The following FMN1 variants were observed in gnomAD, a reference collection of about 807,000 sequenced individuals.
FMN1 encodes formin-1.
A neutral mutation model predicts 132.4 loss-of-function variants in FMN1; 110 were observed. That is an observed-to-expected ratio of 0.83 (90% CI 0.71 to 0.97). The LOEUF is 0.97. Among genes scored for constraint, FMN1 ranks in the 50% least tolerant of loss-of-function variants. The pLI is 0.00. For missense variants in FMN1, 1,792 were observed against 1,705.3 expected, an observed-to-expected ratio of 1.05 and a Z score of -0.90; for synonymous variants, 722 against 651.7, an observed-to-expected ratio of 1.11 and a Z score of -1.64.
intron 7 of FMN1, among the ~76,000 whole-genome samples, chr15:32,976,643 C>T (rs1444022615): frequency 1.3e-5 from 2 of 152,128 alleles, no homozygotes; most frequent in East Asian, 3.9e-4. Flanking sequence ...GTCAAGGACA[C>T]TTAGAAACAT....
At chr15:33,105,571 G>A (rs762234033) in intron 4 of FMN1, among the ~76,000 whole-genome samples, 1 of 152,126 alleles carries the variant, frequency 6.6e-6, no homozygotes, top group Non-Finnish European at 1.5e-5. Context: ...AATGACTGGG[G>A]AAAGGTTTAC....
chr15:33,056,741 A>G (rs2037234735), intron 6 of FMN1, among the ~76,000 whole-genome samples: 1 of 152,244 alleles, frequency 6.6e-6, no homozygotes, highest in Non-Finnish European at 1.5e-5. Flanking sequence ...ATGTTGCAAT[A>G]TATTCATACA....
chr15:32,991,037 C>G (rs767609124), intron 7 of FMN1, among the ~76,000 whole-genome samples: 1 of 152,110 alleles, frequency 6.6e-6, no homozygotes, highest in Non-Finnish European at 1.5e-5. Flanking sequence ...GAGAAAAGAG[C>G]AGAAGCAGCA....
chr15:33,049,357 T>A (rs185977851), intron 6 of FMN1, among the ~76,000 whole-genome samples: 1 of 152,154 alleles, frequency 6.6e-6, no homozygotes, highest in Non-Finnish European at 1.5e-5. Context: ...AGGAAACACA[T>A]AGCTCCTAGA....
intron 4 of FMN1, among the ~76,000 whole-genome samples, chr15:33,113,393 T>A (rs981274268): frequency 2.6e-4 from 38 of 145,514 alleles, no homozygotes; most frequent in African/African-American, 9.3e-4. Flanking sequence ...AATAGTTCAG[T>A]GATTTCATTC....
chr15:32,931,319 T>G (rs1018135378), intron 9 of FMN1, among the ~76,000 whole-genome samples: 1 of 152,258 alleles, frequency 6.6e-6, no homozygotes, highest in African/African-American at 2.4e-5. Context: ...TTTCAATCCA[T>G]AAACATGAGA....
rs112364483 is a variant in FMN1 at position 32,991,259 on chromosome 15, A to G, written c.2223+16755T>C. ...TGGGTCCCTGATTTCGCTGTCTTCT[A>G]CATTCTCAGGAATACTTTCTCATCA... On this transcript the variant is annotated intron_variant, in intron 7 of 20. Transcript: ENST00000616417. 6.6e-5 allele frequency among the ~76,000 whole-genome samples: 10 copies of G among 152,258 alleles called. 3 individuals are homozygous for G. Among genetic ancestry groups the G allele is most frequent in the African/African-American group, 2.4e-4 (10 of 41,538 alleles).
chr15:33,123,021 C>G lies in FMN1; in HGVS notation c.1867+30027G>C, dbSNP rs138663588. 2.0e-4 allele frequency among the ~76,000 whole-genome samples: 31 copies of G among 151,680 alleles called. No homozygotes were observed. In the South Asian group the frequency reaches 4.2e-3, roughly 20 times the overall value. On this transcript the variant is annotated intron_variant, in intron 4 of 20. Transcript: ENST00000616417. ...GACAGGCCGAGAGAGGTTAAGTAAT[C>G]TGACCATGTTCACACAACTAAATAG...
chr15:33,015,258 G>A (rs2034973994), intron 6 of FMN1, among the ~76,000 whole-genome samples: 2 of 152,280 alleles, frequency 1.3e-5, no homozygotes, highest in Non-Finnish European at 2.9e-5. Context: ...CCTATTACCA[G>A]AATCACTCGT....
intron 5 of FMN1, among the ~76,000 whole-genome samples, chr15:33,086,878 C>G (rs1183868221): frequency 6.6e-6 from 1 of 152,220 alleles, no homozygotes; most frequent in Non-Finnish European, 1.5e-5. Context: ...AAATGACATA[C>G]AGTGACCATG....
chr15:33,188,825 TG>T (rs1448090275), intron 2 of FMN1, among the ~76,000 whole-genome samples: 2 of 152,210 alleles, frequency 1.3e-5, no homozygotes, highest in Non-Finnish European at 2.9e-5. Context: ...TCAGGTGACC[TG>T]GATCTATTCT....
chr15:32,794,703 G>A (rs2057219773), intron 19 of FMN1, among the ~76,000 whole-genome samples: 1 of 152,198 alleles, frequency 6.6e-6, no homozygotes, highest in Non-Finnish European at 1.5e-5. Context: ...AGAAACATGT[G>A]TACCAAAAAT....
At chr15:32,800,112 T>G (rs1232531247) in intron 18 of FMN1, among the ~76,000 whole-genome samples, 1 of 152,216 alleles carries the variant, frequency 6.6e-6, no homozygotes, top group East Asian at 1.9e-4. Context: ...AATATGTATC[T>G]CATAAGATTT....
chr15:33,025,116 G>T (rs1408470594), intron 6 of FMN1, among the ~76,000 whole-genome samples: 1 of 152,038 alleles, frequency 6.6e-6, no homozygotes, highest in African/African-American at 2.4e-5. Context: ...GCATATAGAA[G>T]GCTTCAAATA....
chr15:33,128,821 C>G (rs60132240), intron 4 of FMN1, among the ~76,000 whole-genome samples: 14 of 152,278 alleles, frequency 9.2e-5, no homozygotes, highest in African/African-American at 3.4e-4. Context: ...AGCAAAATAA[C>G]AAAGCCTCCG....
intron 15 of FMN1, among the ~76,000 whole-genome samples, chr15:32,894,716 C>CT (rs2060112819): frequency 6.6e-6 from 1 of 150,726 alleles, no homozygotes; most frequent in Admixed American, 6.6e-5. Flanking sequence ...TTCACTACAT[C>CT]TTTTTTCCTG....
chr15:32,978,169 A>C (rs2928021), intron 7 of FMN1, among the ~76,000 whole-genome samples: 1 of 151,914 alleles, frequency 6.6e-6, no homozygotes, highest in Non-Finnish European at 1.5e-5. Context: ...ATTAATTTTG[A>C]AAGGTGATAG....
intron 6 of FMN1, among the ~76,000 whole-genome samples, chr15:33,017,866 A>C (rs989994156): frequency 6.6e-6 from 1 of 152,172 alleles, no homozygotes; most frequent in Admixed American, 6.5e-5. Context: ...GGAGTTCCAG[A>C]CCAGCCTGGC....
intron 19 of FMN1, among the ~76,000 whole-genome samples, chr15:32,784,196 G>GTT (rs2056772313): frequency 1.3e-5 from 2 of 152,188 alleles, no homozygotes; most frequent in African/African-American, 4.8e-5. Context: ...TTGGAGCAGT[G>GTT]TTTGTAAACT....
Sources: allele counts gnomAD v4.1 joint callset (sites outside exome capture counted in the v4.1 genomes callset), GRCh38; gene constraint gnomAD v4.1.1; transcripts MANE v1.5; gene names NCBI Gene and HGNC (gene_info 2026-07-23, HGNC 2026-07-21).